Variants in ERN1 observed in about 807,000 individuals in gnomAD.
ERN1 encodes endoplasmic reticulum to nucleus signaling 1.
ERN1 carries 39 observed loss-of-function variants against 113.1 expected under a neutral mutation model. The ratio of observed to expected loss-of-function variants is 0.34; its 90% confidence interval spans 0.27 to 0.45. ERN1 has a LOEUF of 0.45. Among genes scored for constraint, ERN1 ranks in the 20% least tolerant of loss-of-function variants. The pLI, the probability that ERN1 is intolerant of heterozygous loss-of-function variation, is 1.00. For missense variants in ERN1, 976 were observed against 1,274.8 expected (o/e 0.77, Z 3.57); for synonymous variants, 507 against 515.9 (o/e 0.98, Z 0.23).
rs1382742892 is a variant in ERN1, at chr17:64,079,611, G to A, written c.282+51C>T. 4 of 1,435,780 alleles carry A rather than the reference G, an allele frequency of 2.8e-6. No homozygotes were observed. In the East Asian group the frequency reaches 9.1e-5, roughly 33 times the overall value. 88.9% of individuals were successfully genotyped at this position (1,435,780 alleles called of 1,614,324 possible). On this transcript the variant is annotated intron_variant, in intron 4 of 21. Coordinates refer to ENST00000433197, the MANE Select transcript of ERN1 (RefSeq NM_001433.5). ...AAGACACTGTGCAGACACACTTAAG[G>A]ACCGCTGGTCTAGAACCCCTGGAGT... is the stretch of plus-strand genomic sequence containing the variant.
intron 11 of ERN1, among the ~76,000 whole-genome samples, chr17:64,060,175 G>T (rs1193785867): frequency 6.6e-6 from 1 of 152,090 alleles, no homozygotes; most frequent in Non-Finnish European, 1.5e-5. Context: ...TTTTGCCCTT[G>T]CTGTTCCATT....
intron 1 of ERN1, among the ~76,000 whole-genome samples, chr17:64,101,899 T>G (rs1342884373): frequency 6.6e-6 from 1 of 152,172 alleles, no homozygotes; most frequent in Non-Finnish European, 1.5e-5. Flanking sequence ...GAAGCACTAG[T>G]GGAAACAAAA....
At position 64,043,758 on chromosome 17, in the gene ERN1, G is replaced by A. The variant is rs968338066; in HGVS notation, c.*230C>T. 4.6e-5 allele frequency: 20 copies of A among 436,896 alleles called. No individual in the cohort carries two copies. Among genetic ancestry groups the A allele is most frequent in the Middle Eastern group, 5.7e-4 (1 of 1,742 alleles). 27.1% of individuals were successfully genotyped at this position (436,896 alleles called of 1,614,324 possible). On this transcript the variant is annotated 3_prime_UTR_variant, in exon 22 of 22. Transcript: ENST00000433197. ...GCCCTCCTTTGCAGACATCATGACC[G>A]TAAGGCTTTTGGGGCCAGCATCTTC...
rs956204039 is a variant in ERN1, at chr17:64,039,463, C to A, written c.*4525G>T. The A allele has an allele frequency of 1.3e-5, 2 of 152,094 alleles. No individual in the cohort carries two copies. Among genetic ancestry groups the A allele is most frequent in the Non-Finnish European group, 2.9e-5 (2 of 68,028 alleles). The allele number at this position is 152,094 out of a possible 1,614,324, so 9.4% of individuals were successfully genotyped here. A position where few individuals can be genotyped will look rare whatever the true frequency, so the allele number is the denominator to read the frequency against. ...TCACCTAAAAATTAACATTTTACCC[C>A]GACCAAATTAATCACCCTTTAATAA... is the stretch of plus-strand genomic sequence containing the variant. On this transcript the variant is annotated 3_prime_UTR_variant, in exon 22 of 22. Coordinates refer to ENST00000433197, the MANE Select transcript of ERN1 (RefSeq NM_001433.5).
chr17:64,122,786 T>C (rs9889365), intron 1 of ERN1, among the ~76,000 whole-genome samples: 3,585 of 152,230 alleles, frequency 0.024, 159 homozygotes, highest in African/African-American at 0.081. Context: ...GGCTTAAGAG[T>C]AAATATTTGT....
At chr17:64,103,880 G>A (rs1023737648) in intron 1 of ERN1, among the ~76,000 whole-genome samples, 1 of 152,166 alleles carries the variant, frequency 6.6e-6, no homozygotes, top group Admixed American at 6.5e-5. Flanking sequence ...TTCTAAACTT[G>A]CATTTGGGAC....
At chr17:64,064,728 G>A (rs543720226) in intron 9 of ERN1, among the ~76,000 whole-genome samples, 174 of 152,320 alleles carry the variant, frequency 1.1e-3, no homozygotes, top group East Asian at 4.2e-3. Flanking sequence ...GAGGCTCGGC[G>A]AGATTGCAAA....
intron 1 of ERN1, among the ~76,000 whole-genome samples, chr17:64,098,925 A>C (rs533298216): frequency 1.3e-5 from 2 of 152,342 alleles, no homozygotes; most frequent in African/African-American, 4.8e-5. Flanking sequence ...ATCCATTGCT[A>C]GTAGCACTGA....
chr17:64,098,082 G>A (rs1567879365), intron 2 of ERN1, 39 bp downstream of exon 2: 2 of 1,611,280 alleles, frequency 1.2e-6, no homozygotes, highest in Admixed American at 1.7e-5. Context: ...AACCAGTTAA[G>A]CAAATGTCCA....
intron 2 of ERN1, among the ~76,000 whole-genome samples, chr17:64,096,819 A>C (rs1453106678): frequency 2.0e-5 from 3 of 152,218 alleles, no homozygotes; most frequent in Non-Finnish European, 4.4e-5. Context: ...ACTTGGAAAA[A>C]ACCAACTTAA....
At chr17:64,108,498 G>A (rs1336434776) in intron 1 of ERN1, among the ~76,000 whole-genome samples, 1 of 152,168 alleles carries the variant, frequency 6.6e-6, no homozygotes, top group African/African-American at 2.4e-5. Flanking sequence ...AAATCCCTAA[G>A]GTCCCTCAGG....
intron 1 of ERN1, among the ~76,000 whole-genome samples, chr17:64,125,592 G>A (rs934443090): frequency 1.3e-5 from 2 of 152,264 alleles, no homozygotes; most frequent in South Asian, 2.1e-4. Context: ...AGGTTCAAGC[G>A]ATTCTCCTGC....
At chr17:64,115,475 G>A (rs1020647068) in intron 1 of ERN1, among the ~76,000 whole-genome samples, 1 of 152,078 alleles carries the variant, frequency 6.6e-6, no homozygotes, top group Admixed American at 6.5e-5. Context: ...AAAAAAAGAC[G>A]GCAAGTTCCA....
At chr17:64,076,693 G>T (rs1350383534) in intron 4 of ERN1, among the ~76,000 whole-genome samples, 1 of 151,908 alleles carries the variant, frequency 6.6e-6, no homozygotes, top group Admixed American at 6.5e-5. Flanking sequence ...TCCGCCTCCC[G>T]GGTTGATGCC....
chr17:64,058,486 G>A (rs915837758), intron 11 of ERN1, among the ~76,000 whole-genome samples: 11 of 152,276 alleles, frequency 7.2e-5, no homozygotes, highest in African/African-American at 2.6e-4. Context: ...TAAACTGTCA[G>A]TGCAATCCCA....
intron 11 of ERN1, 124 bp downstream of exon 11, chr17:64,060,345 T>C: frequency 1.5e-6 from 1 of 677,818 alleles, no homozygotes; most frequent in South Asian, 1.8e-5. Context: ...TTGCTTTGGA[T>C]TCTGGTGCAT....
In ERN1 at chr17:64,130,104, C is replaced by T. The variant is rs1915201941; in HGVS notation, c.-75G>A. On this transcript the variant is annotated 5_prime_UTR_variant, in exon 1 of 22. Transcript: ENST00000433197. The surrounding 1 kb of genome is among the most constrained non-coding windows in gnomAD (Gnocchi z 4.0). ...CGGGGGCGCCGCGACGACAGCGAGG[C>T]GGTGACCGAGCCTCAGCGGACGCAG... The T allele has an allele frequency of 4.0e-6, 5 of 1,250,940 alleles. No individual in the cohort carries two copies. The highest frequency in any genetic ancestry group is 5.1e-6 in the Non-Finnish European group (5 of 986,384). 77.5% of individuals were successfully genotyped at this position (1,250,940 alleles called of 1,614,324 possible).
chr17:64,053,404 A>T, intron 15 of ERN1, 33 bp from the exon 16 acceptor site: 3 of 1,528,298 alleles, frequency 2.0e-6, no homozygotes, highest in Non-Finnish European at 2.7e-6. Flanking sequence ...GTCACGGCAC[A>T]CAGTCCTCAG....
chr17:64,053,273 G>A lies in ERN1; in HGVS notation c.2052C>T (p.Ile684=), dbSNP rs754009385. Residue 684 remains isoleucine (I), a splice_region_variant and synonymous_variant, in exon 16 of 22, where the codon ATC becomes ATT. Coordinates refer to ENST00000433197, the MANE Select transcript of ERN1 (RefSeq NM_001433.5). ...GCCTGGTAAAGTGCAGCCTCTCACC[G>A]ATGTTGAGGGAGTGGAGGTGGGCCA... The part of the protein sequence containing the change: ...SGLAHLHSLN[I]VHRDLKPHNI... 33 of 1,604,140 alleles carry A rather than the reference G, an allele frequency of 2.1e-5. 2 individuals carry two copies. The South Asian group carries it at 2.2e-4, about 11-fold the overall frequency.
Sources: gnomAD v4.1 joint callset for allele counts (sites outside exome capture counted in the v4.1 genomes callset) on GRCh38, gnomAD v4.1.1 for gene constraint, Gnocchi (gnomAD v3.1) non-coding constraint, MANE v1.5 for transcripts, NCBI Gene and HGNC (gene_info 2026-07-23, HGNC 2026-07-21) for gene names.